Variants in EXD1 observed in about 807,000 individuals in gnomAD.
The protein encoded by EXD1 is exonuclease 3'-5' domain containing 1.
A neutral mutation model predicts 49.1 loss-of-function variants in EXD1; 63 were observed. The ratio of observed to expected loss-of-function variants is 1.28; its 90% CI spans 1.05 to 1.58. EXD1 has a LOEUF of 1.58. Among genes scored for constraint, EXD1 ranks in the 40% most tolerant of loss-of-function variants. EXD1 has a pLI of 0.00. For missense variants in EXD1, 748 were observed against 666.0 expected (o/e 1.12, Z -1.36); for synonymous variants, 234 against 239.2 (o/e 0.98, Z 0.20).
chr15:41,226,552 A>G lies in EXD1; in HGVS notation c.24T>C (p.His8=). Residue 8 remains histidine, a synonymous_variant, in exon 2 of 12, where the codon CAT becomes CAC. Transcript: ENST00000458580. MDPSSDY[H]FLSQILWKRV... is the part of the protein sequence containing the mutation. The stretch of plus-strand genomic sequence containing the variant: ...TCTTCCACAAAATCTGGCTGAGGAA[A>G]TGGTAGTCACTGCTGGGGTCCATGC... 6.5e-7 allele frequency: 1 copy of G among 1,536,100 alleles called. No homozygotes were observed. The highest frequency in any genetic ancestry group is 8.7e-7 in the Non-Finnish European group (1 of 1,146,874).
At chr15:41,187,325 G>C (rs1233362537) in intron 11 of EXD1, among the ~76,000 whole-genome samples, 2 of 151,962 alleles carry the variant, frequency 1.3e-5, no homozygotes, top group Non-Finnish European at 2.9e-5. Context: ...CCTGACCTCA[G>C]GTGAACCACC....
intron 2 of EXD1, among the ~76,000 whole-genome samples, chr15:41,220,670 A>C (rs2047074121): frequency 6.6e-6 from 1 of 152,152 alleles, no homozygotes; most frequent in Admixed American, 6.6e-5. Context: ...GGAGATAAGG[A>C]AGTTAGGAGA....
chr15:41,200,312 C>G (rs2046708325), intron 7 of EXD1, among the ~76,000 whole-genome samples: 2 of 152,098 alleles, frequency 1.3e-5, no homozygotes, highest in African/African-American at 2.4e-5. Context: ...CACCTGAGGT[C>G]AGCTGTTCGA....
chr15:41,203,155 G>T (rs1027569774), intron 7 of EXD1, among the ~76,000 whole-genome samples: 1 of 152,052 alleles, frequency 6.6e-6, no homozygotes, highest in African/African-American at 2.4e-5. Context: ...TAAAAATAAA[G>T]GTTTAAGAAT....
intron 2 of EXD1, 148 bp downstream of exon 2, chr15:41,226,295 T>C (rs2047164044): frequency 1.3e-6 from 1 of 779,200 alleles, no homozygotes; most frequent in South Asian, 1.9e-5. Context: ...AGTCACATTG[T>C]TCTGTTTGGG....
At chr15:41,192,602 T>A (rs1287033751) in intron 9 of EXD1, among the ~76,000 whole-genome samples, 1 of 88,564 alleles carries the variant, frequency 1.1e-5, no homozygotes, top group African/African-American at 5.4e-5. Flanking sequence ...GCATTTTTTT[T>A]TTTTTTTTTT....
chr15:41,215,958 A>T, intron 5 of EXD1, 125 bp from the exon 6 acceptor site: 1 of 833,202 alleles, frequency 1.2e-6, no homozygotes, highest in Non-Finnish European at 2.0e-6. Flanking sequence ...AAATTGCAAA[A>T]CCACCCTCCC....
chr15:41,216,942 G>A lies in EXD1; in HGVS notation c.261-147C>T, dbSNP rs748738127. ...CCACTGCTTACATTGACTTGAGGGC[G>A]CTATCTAACAATGGAAGAAAACACC... On this transcript the variant is annotated intron_variant, in intron 4 of 11. Transcript: ENST00000458580. 292 of 1,324,694 alleles carry A rather than the reference G, an allele frequency of 2.2e-4. 1 individual carries two copies. The highest frequency in any genetic ancestry group is 1.1e-3 in the Middle Eastern group (4 of 3,718). 82.1% of individuals were successfully genotyped at this position (1,324,694 alleles called of 1,614,324 possible).
At position 41,202,445 on chromosome 15, in the gene EXD1, A is replaced by G. The variant is rs141476056; in HGVS notation, c.535-6408T>C. Among the ~76,000 whole-genome samples, 541 of 151,890 alleles carry G rather than the reference A, an allele frequency of 3.6e-3. 6 individuals are homozygous for G. Among genetic ancestry groups the G allele is most frequent in the African/African-American group, 0.012 (494 of 41,438 alleles). On this transcript the variant is annotated intron_variant, in intron 7 of 11. Transcript: ENST00000458580. The stretch of plus-strand genomic sequence containing the variant: ...ACCCGCCTCAGCCTCCCAAAGTGCT[A>G]GGATTACAGGTGTGAGCCACCGCAC...
intron 7 of EXD1, among the ~76,000 whole-genome samples, chr15:41,196,519 T>C (rs1176567070): frequency 1.3e-5 from 2 of 152,010 alleles, no homozygotes; most frequent in African/African-American, 4.8e-5. Context: ...GGTTTCACCA[T>C]GTTGGCCAGG....
At chr15:41,187,602 T>C (rs2140801029) in intron 11 of EXD1, among the ~76,000 whole-genome samples, 1 of 152,324 alleles carries the variant, frequency 6.6e-6, no homozygotes, top group Middle Eastern at 3.4e-3. Context: ...ATTTATAAGA[T>C]AATCATAACA....
chr15:41,205,351 T>C (rs2140867496), intron 7 of EXD1, among the ~76,000 whole-genome samples: 1 of 152,316 alleles, frequency 6.6e-6, no homozygotes, highest in East Asian at 1.9e-4. Flanking sequence ...GTTTGTTTGT[T>C]TGTTTTTTGA....
At position 41,191,464 on chromosome 15, in the gene EXD1, T is replaced by G; in HGVS notation, c.842A>C (p.Glu281Ala). Residue 281 changes from glutamate to alanine, a missense_variant, in exon 10 of 12, where the codon GAA becomes GCA. By Grantham distance (107) the Glu-to-Ala change is moderately radical. Transcript: ENST00000458580. ...CACCTGAATTAGTTTTTGTCTCTTTTCTAGAAAGGAGAGATATTTAGGGGC... is the reference window on the plus strand; with the variant it reads ...CACCTGAATTAGTTTTTGTCTCTTTGCTAGAAAGGAGAGATATTTAGGGGC... ...QVAPKYLSFL[E>A]KRQKLIQENP... 6.2e-7 allele frequency: 1 copy of G among 1,611,680 alleles called. No individual in the cohort carries two copies. The highest frequency in any genetic ancestry group is 8.5e-7 in the Non-Finnish European group (1 of 1,177,962).
In EXD1 at chr15:41,222,541, T is replaced by C. The variant is rs566852164; in HGVS notation, c.134-2643A>G. Among the ~76,000 whole-genome samples the C allele has an allele frequency of 1.9e-3, 288 of 152,352 alleles. 2 individuals are homozygous for C. Among genetic ancestry groups the C allele is most frequent in the Non-Finnish European group, 3.5e-3 (236 of 68,032 alleles). On this transcript the variant is annotated intron_variant, in intron 2 of 11. Transcript: ENST00000458580. Reference sequence around the variant, plus strand: ...CGAATTAGTTGAATCTTTTATGTTTTTATAGCATCCTTTGCATCTTTCTAT... The same window carrying C: ...CGAATTAGTTGAATCTTTTATGTTTCTATAGCATCCTTTGCATCTTTCTAT...
chr15:41,184,659 T>C (rs1349832618), intron 11 of EXD1, 66 bp from the exon 12 acceptor site: 40 of 792,878 alleles, frequency 5.0e-5, no homozygotes, highest in Admixed American at 7.6e-5. Flanking sequence ...TTAAAATCAC[T>C]TTTTTTTTTT....
At chr15:41,207,220 G>A (rs1470328641) in intron 7 of EXD1, among the ~76,000 whole-genome samples, 3 of 150,874 alleles carry the variant, frequency 2.0e-5, no homozygotes, top group South Asian at 4.2e-4. Context: ...TAGCCTGGGC[G>A]ACAGAGTGAA....
intron 10 of EXD1, among the ~76,000 whole-genome samples, chr15:41,190,910 A>G (rs1189840646): frequency 6.6e-6 from 1 of 151,604 alleles, no homozygotes; most frequent in Non-Finnish European, 1.5e-5. Flanking sequence ...TTATTTATTT[A>G]TTTATTTATT....
Position 41,208,871 on chromosome 15 carries a change from G to C in EXD1, c.534+630C>G, listed in dbSNP as rs559212051. Reference sequence around the variant, plus strand: ...GAAAGCTACCACCCCAGAATGAAAAGAGACGACACTCTTCATAGAACTAAG... The same window carrying C: ...GAAAGCTACCACCCCAGAATGAAAACAGACGACACTCTTCATAGAACTAAG... On this transcript the variant is annotated intron_variant, in intron 7 of 11. Coordinates refer to ENST00000458580, the MANE Select transcript of EXD1 (RefSeq NM_001286441.2). Among the ~76,000 whole-genome samples, 3 of 152,116 alleles carry C rather than the reference G, an allele frequency of 2.0e-5. No individual in the cohort carries two copies. In the East Asian group the frequency reaches 5.8e-4, roughly 29 times the overall value.
chr15:41,192,594 ATTTTTTTTTTTTTTTTTTTTTTT>A (rs59054803), intron 9 of EXD1, among the ~76,000 whole-genome samples: 45 of 40,870 alleles, frequency 1.1e-3, no homozygotes, highest in Admixed American at 1.7e-3. Context: ...TGCGCCAGGC[ATTTTTTTTTTTTTTTTTTTTTTT>A]TTTTTTTTTT....
Sources: allele counts gnomAD v4.1 joint callset (sites outside exome capture counted in the v4.1 genomes callset), GRCh38; gene constraint gnomAD v4.1.1; transcripts MANE v1.5; gene names NCBI Gene and HGNC (gene_info 2026-07-23, HGNC 2026-07-21).